The following MIR2052HG variants were observed in gnomAD, a reference collection of about 807,000 sequenced individuals.
The protein encoded by MIR2052HG is MIR2052 host gene.
intron 2 of MIR2052HG, among the ~76,000 whole-genome samples, chr8:74,690,227 A>G (rs1809225343): frequency 6.6e-6 from 1 of 152,196 alleles, no homozygotes; most frequent in African/African-American, 2.4e-5. Flanking sequence ...TGAATGTCAC[A>G]GAGTGATATG....
chr8:74,718,096 T>C (rs539204200), intron 4 of MIR2052HG, among the ~76,000 whole-genome samples: 1 of 152,330 alleles, frequency 6.6e-6, no homozygotes, highest in Admixed American at 6.5e-5. Context: ...TTAAACTATA[T>C]TGCATATTAC....
chr8:74,725,394 A>C (rs1471990224), intron 4 of MIR2052HG, among the ~76,000 whole-genome samples: 1 of 152,136 alleles, frequency 6.6e-6, no homozygotes, highest in African/African-American at 2.4e-5. Flanking sequence ...TTCTCACAGA[A>C]CTGGTATTGG....
At chr8:74,647,509 TTC>T (rs1012465330) in intron 2 of MIR2052HG, among the ~76,000 whole-genome samples, 2 of 152,142 alleles carry the variant, frequency 1.3e-5, no homozygotes, top group Non-Finnish European at 2.9e-5. Flanking sequence ...TGGAAAACAT[TTC>T]TCTCTTATAA....
chr8:74,673,887 G>GTATA (rs61228134), intron 2 of MIR2052HG, among the ~76,000 whole-genome samples: 8,681 of 121,502 alleles, frequency 0.071, 425 homozygotes, highest in Admixed American at 0.093. Context: ...GTATTTTTTT[G>GTATA]TATATATATA....
At chr8:74,715,867 C>T (rs2128742074) in intron 4 of MIR2052HG, among the ~76,000 whole-genome samples, 1 of 152,208 alleles carries the variant, frequency 6.6e-6, no homozygotes, top group East Asian at 1.9e-4. Flanking sequence ...ATCATGTCAT[C>T]TACTTCTTCC....
At chr8:74,601,661 CA>C (rs531027344) in intron 1 of MIR2052HG, among the ~76,000 whole-genome samples, 3 of 152,168 alleles carry the variant, frequency 2.0e-5, no homozygotes, top group Non-Finnish European at 4.4e-5. Context: ...TCCACTAAAT[CA>C]TAGCATATTT....
chr8:74,665,766 G>T (rs756587067), intron 2 of MIR2052HG, among the ~76,000 whole-genome samples: 1 of 152,078 alleles, frequency 6.6e-6, no homozygotes, highest in Non-Finnish European at 1.5e-5. Flanking sequence ...ATTTTGAATT[G>T]TAGCTCCCAT....
rs117937229 is a variant in MIR2052HG, at chr8:74,607,306, A to G, written n.129-5547A>G. On this transcript the variant is annotated intron_variant and non_coding_transcript_variant, in intron 1 of 6. Transcript: ENST00000523442. The stretch of plus-strand genomic sequence containing the variant: ...ATTAAACATTTAAGCACTTAATAAT[A>G]GAGCTTAAAAAATACACATAACAGG... Among the ~76,000 whole-genome samples, 938 of 152,294 alleles carry G rather than the reference A, an allele frequency of 6.2e-3. 8 individuals are homozygous for G. The highest frequency in any genetic ancestry group is 9.3e-3 in the Non-Finnish European group (630 of 68,020).
rs1809648757 is a variant in MIR2052HG at position 74,727,508 on chromosome 8, T to C, written n.371+23826T>C. ...TAGTGTAAGATAACCAAGAAGACGA[T>C]GTTCAGATCTTCTGTGACATAAATT... On this transcript the variant is annotated intron_variant and non_coding_transcript_variant, in intron 4 of 6. Coordinates refer to ENST00000523442, the Ensembl canonical transcript of MIR2052HG. Among the ~76,000 whole-genome samples, 3 of 140,808 alleles carry C rather than the reference T, an allele frequency of 2.1e-5. No individual in the cohort carries two copies. In the South Asian group the frequency reaches 6.6e-4, roughly 31 times the overall value. The allele number at this position is 140,808 out of a possible 152,430, so 92.4% of individuals were successfully genotyped here.
intron 4 of MIR2052HG, among the ~76,000 whole-genome samples, chr8:74,734,886 T>C (rs1809730627): frequency 6.6e-6 from 1 of 152,258 alleles, no homozygotes; most frequent in African/African-American, 2.4e-5. Context: ...CAGCTCACTG[T>C]AGTTTATTCT....
intron 2 of MIR2052HG, among the ~76,000 whole-genome samples, chr8:74,620,233 G>A (rs1347653292): frequency 6.6e-6 from 1 of 152,198 alleles, no homozygotes; most frequent in East Asian, 1.9e-4. Context: ...ACCCATCCTG[G>A]CTGCTTTCAC....
At chr8:74,672,626 T>A (rs1809005212) in intron 2 of MIR2052HG, among the ~76,000 whole-genome samples, 2 of 152,146 alleles carry the variant, frequency 1.3e-5, no homozygotes, top group Middle Eastern at 6.8e-3. Context: ...CAGGCAGCAA[T>A]GTATACCTAT....
chr8:74,686,028 G>GCT (rs1458872402), intron 2 of MIR2052HG, among the ~76,000 whole-genome samples: 1 of 151,712 alleles, frequency 6.6e-6, no homozygotes. Flanking sequence ...CATGATAACT[G>GCT]CTCTGCTTAT....
intron 2 of MIR2052HG, among the ~76,000 whole-genome samples, chr8:74,666,603 TGA>T (rs1304859192): frequency 1.3e-5 from 2 of 152,202 alleles, no homozygotes; most frequent in Admixed American, 1.3e-4. Flanking sequence ...ATTGGCTGAA[TGA>T]ATGTCTTGTA....
intron 4 of MIR2052HG, among the ~76,000 whole-genome samples, chr8:74,745,499 C>T (rs570351274): frequency 7.2e-5 from 11 of 151,978 alleles, no homozygotes; most frequent in South Asian, 4.2e-4. Flanking sequence ...CCTGATGAAT[C>T]GATAGTAGCA....
intron 2 of MIR2052HG, among the ~76,000 whole-genome samples, chr8:74,637,429 G>A (rs983240225): frequency 2.0e-4 from 30 of 151,992 alleles, no homozygotes; most frequent in Admixed American, 3.3e-4. Flanking sequence ...ACACATGTGC[G>A]TGCACACACA....
chr8:74,668,322 G>A (rs1462678371), intron 2 of MIR2052HG, among the ~76,000 whole-genome samples: 1 of 151,698 alleles, frequency 6.6e-6, no homozygotes, highest in East Asian at 1.9e-4. Context: ...GATTATATAT[G>A]TACACACACA....
chr8:74,724,516 T>C (rs1340420461), intron 4 of MIR2052HG, among the ~76,000 whole-genome samples: 1 of 152,214 alleles, frequency 6.6e-6, no homozygotes, highest in African/African-American at 2.4e-5. Context: ...TAAAAAGTGC[T>C]GTCACAGAAA....
At chr8:74,701,129 C>T (rs1586917761) in intron 2 of MIR2052HG, among the ~76,000 whole-genome samples, 1 of 152,154 alleles carries the variant, frequency 6.6e-6, no homozygotes, top group South Asian at 2.1e-4. Flanking sequence ...TGGCCATTGC[C>T]TGAAAGGAGT....
Sources: gnomAD v4.1 joint callset for allele counts (sites outside exome capture counted in the v4.1 genomes callset) on GRCh38, gnomAD v4.1.1 for gene constraint, MANE v1.5 for transcripts, NCBI Gene and HGNC (gene_info 2026-07-23, HGNC 2026-07-21) for gene names.